The following ZNF277 variants were observed in gnomAD, a reference collection of about 807,000 sequenced individuals.
ZNF277 encodes nuclear receptor-interacting factor 4.
Under a neutral mutation model 60.7 loss-of-function variants are expected in ZNF277, and 55 were observed. The ratio of observed to expected loss-of-function variants is 0.91; its 90% CI spans 0.73 to 1.13. The LOEUF is 1.13. Ranked by LOEUF, ZNF277 falls within the 50% of genes most tolerant of loss-of-function variation. The pLI, the probability that ZNF277 is intolerant of heterozygous loss-of-function variation, is 0.00. For missense variants in ZNF277, 510 were observed against 523.0 expected, an observed-to-expected ratio of 0.98 and a Z score of 0.24; for synonymous variants, 178 against 179.3, an observed-to-expected ratio of 0.99 and a Z score of 0.06.
intron 1 of ZNF277, among the ~76,000 whole-genome samples, chr7:112,274,400 T>C (rs1459297876): frequency 6.6e-6 from 1 of 152,136 alleles, no homozygotes; most frequent in African/African-American, 2.4e-5. Context: ...CAAGTGATCC[T>C]CCTGCATCAG....
intron 2 of ZNF277, among the ~76,000 whole-genome samples, chr7:112,295,340 A>G (rs1792299737): frequency 6.6e-6 from 1 of 152,182 alleles, no homozygotes; most frequent in Non-Finnish European, 1.5e-5. Flanking sequence ...TCCAAAGTCT[A>G]AATTTGCCTC....
At chr7:112,278,858 T>G (rs990315146) in intron 1 of ZNF277, among the ~76,000 whole-genome samples, 5 of 152,208 alleles carry the variant, frequency 3.3e-5, no homozygotes, top group African/African-American at 1.2e-4. Flanking sequence ...TTTTTCATCT[T>G]CCATTACTGA....
chr7:112,228,693 T>C (rs916248081), intron 1 of ZNF277, among the ~76,000 whole-genome samples: 7 of 152,132 alleles, frequency 4.6e-5, no homozygotes, highest in Admixed American at 3.9e-4. Flanking sequence ...GGTAGTCAGA[T>C]TGTACATAGT....
At chr7:112,232,882 GTTTATA>G (rs1415349974) in intron 1 of ZNF277, among the ~76,000 whole-genome samples, 2 of 152,046 alleles carry the variant, frequency 1.3e-5, no homozygotes, top group African/African-American at 4.8e-5. Flanking sequence ...TTTTGAAAAA[GTTTATA>G]TTTATTATCT....
chr7:112,261,410 T>G (rs772826038), intron 1 of ZNF277, among the ~76,000 whole-genome samples: 17 of 152,220 alleles, frequency 1.1e-4, no homozygotes, highest in Non-Finnish European at 5.9e-5. Flanking sequence ...TGGCATTTCA[T>G]ATGCCTAGCT....
chr7:112,271,148 A>T (rs1791660346), intron 1 of ZNF277, among the ~76,000 whole-genome samples: 1 of 152,168 alleles, frequency 6.6e-6, no homozygotes, highest in African/African-American at 2.4e-5. Flanking sequence ...TTCATTGTTA[A>T]TTGTTATGAG....
intron 1 of ZNF277, among the ~76,000 whole-genome samples, chr7:112,283,067 A>C (rs186826788): frequency 9.6e-4 from 146 of 152,368 alleles, no homozygotes; most frequent in Non-Finnish European, 1.2e-3. Context: ...ACTAGGACTT[A>C]CTTTGCCTTC....
At chr7:112,321,713 T>G (rs892574223) in intron 5 of ZNF277, among the ~76,000 whole-genome samples, 37 of 152,148 alleles carry the variant, frequency 2.4e-4, no homozygotes, top group African/African-American at 8.9e-4. Flanking sequence ...TCCTTCATTT[T>G]TTTTCTTCCA....
intron 8 of ZNF277, among the ~76,000 whole-genome samples, chr7:112,336,452 C>G (rs552710619): frequency 7.9e-4 from 121 of 152,270 alleles, no homozygotes; most frequent in Non-Finnish European, 1.2e-3. Context: ...TTTGCCTGCT[C>G]AGTTAGTGCT....
At chr7:112,307,658 A>G (rs904205841) in intron 4 of ZNF277, among the ~76,000 whole-genome samples, 1 of 150,952 alleles carries the variant, frequency 6.6e-6, no homozygotes, top group African/African-American at 2.4e-5. Flanking sequence ...CAAGTGATCC[A>G]CCCGCCTCAA....
At chr7:112,235,915 T>C (rs1790771126) in intron 1 of ZNF277, among the ~76,000 whole-genome samples, 1 of 152,072 alleles carries the variant, frequency 6.6e-6, no homozygotes, top group African/African-American at 2.4e-5. Context: ...TGCTCTTACA[T>C]GTAGGTTTGT....
At chr7:112,324,965 A>T (rs1319402102) in intron 5 of ZNF277, among the ~76,000 whole-genome samples, 1 of 152,140 alleles carries the variant, frequency 6.6e-6, no homozygotes, top group Non-Finnish European at 1.5e-5. Flanking sequence ...GGCTTGGATG[A>T]TGCCTCCCCT....
intron 1 of ZNF277, among the ~76,000 whole-genome samples, chr7:112,262,546 T>C (rs1467050671): frequency 6.6e-6 from 1 of 152,166 alleles, no homozygotes; most frequent in East Asian, 1.9e-4. Flanking sequence ...TGTATTGATA[T>C]ATTAAAGGCT....
At chr7:112,312,716 T>C (rs77636347) in intron 4 of ZNF277, among the ~76,000 whole-genome samples, 244 of 152,202 alleles carry the variant, frequency 1.6e-3, no homozygotes, top group African/African-American at 5.6e-3. Context: ...GTTGGTGAAA[T>C]TTTTCATAAT....
intron 4 of ZNF277, among the ~76,000 whole-genome samples, chr7:112,317,262 A>C (rs1792865594): frequency 6.6e-6 from 1 of 152,130 alleles, no homozygotes; most frequent in Admixed American, 6.6e-5. Context: ...ACTATGTAAC[A>C]AACCTGCATG....
chr7:112,265,674 G>A (rs946255765), intron 1 of ZNF277, among the ~76,000 whole-genome samples: 3 of 152,122 alleles, frequency 2.0e-5, no homozygotes, highest in African/African-American at 7.2e-5. Context: ...GCCTGTATAT[G>A]AAGAAAAATC....
chr7:112,228,350 C>A lies in ZNF277; in HGVS notation c.91+21543C>A, dbSNP rs370383916. On this transcript the variant is annotated intron_variant, in intron 1 of 11. Coordinates refer to ENST00000361822, the MANE Select transcript of ZNF277 (RefSeq NM_021994.3). ...TTGTGAGTTATCAGTCAACCAACTA[C>A]GTCTATTGAATATATCACCCATATT... Among the ~76,000 whole-genome samples, 32 of 151,224 alleles carry A rather than the reference C, an allele frequency of 2.1e-4. No homozygotes were observed. The East Asian group carries it at 2.1e-3, about 10-fold the overall frequency.
At chr7:112,334,816 A>G (rs1793299182) in intron 7 of ZNF277, among the ~76,000 whole-genome samples, 1 of 151,832 alleles carries the variant, frequency 6.6e-6, no homozygotes. Flanking sequence ...AGAAAAACCA[A>G]GTAAGGCATG....
At chr7:112,282,525 G>A (rs1791971031) in intron 1 of ZNF277, among the ~76,000 whole-genome samples, 1 of 152,224 alleles carries the variant, frequency 6.6e-6, no homozygotes, top group African/African-American at 2.4e-5. Flanking sequence ...GAACATGGGA[G>A]GCTTCGCCTT....
Sources: gnomAD v4.1 joint callset for allele counts (sites outside exome capture counted in the v4.1 genomes callset) on GRCh38, gnomAD v4.1.1 for gene constraint, MANE v1.5 for transcripts, NCBI Gene and HGNC (gene_info 2026-07-23, HGNC 2026-07-21) for gene names.